The following CLSTN1 variants were observed in gnomAD, a reference collection of about 807,000 sequenced individuals.
CLSTN1 encodes calsyntenin 1.
Under a neutral mutation model 108.3 loss-of-function variants are expected in CLSTN1, and 28 were observed. The ratio of observed to expected loss-of-function variants is 0.26; its 90% CI spans 0.19 to 0.35. The LOEUF is 0.35. Ranked by LOEUF, CLSTN1 falls within the 10% of genes least tolerant of loss-of-function variation. CLSTN1 has a pLI of 1.00. For missense variants in CLSTN1, 1,157 were observed against 1,302.6 expected (o/e 0.89, Z 1.72); for synonymous variants, 524 against 534.9 (o/e 0.98, Z 0.28).
At chr1:9,781,629 G>T (rs553973939) in intron 1 of CLSTN1, among the ~76,000 whole-genome samples, 1 of 152,104 alleles carries the variant, frequency 6.6e-6, no homozygotes, top group Admixed American at 6.6e-5. Context: ...TTTTAGTAGA[G>T]ATGGGGTTTC....
chr1:9,779,558 G>A (rs1010984323), intron 1 of CLSTN1, among the ~76,000 whole-genome samples: 2 of 152,196 alleles, frequency 1.3e-5, no homozygotes, highest in Admixed American at 6.5e-5. Flanking sequence ...TCCAGCCTGG[G>A]CGACAAGAGT....
chr1:9,730,648 T>TTTCCTC lies in CLSTN1; in HGVS notation c.2800_2805dup (p.Glu934_Glu935dup), dbSNP rs551074326. The TTTCCTC allele has an allele frequency of 5.8e-5, 93 of 1,610,336 alleles. No homozygotes were observed. Among genetic ancestry groups the TTTCCTC allele is most frequent in the Admixed American group, 2.2e-4 (13 of 59,976 alleles). On this transcript the variant is annotated inframe_insertion, in exon 19 of 19. Coordinates refer to ENST00000377298, the MANE Select transcript of CLSTN1 (RefSeq NM_001009566.3). The surrounding 1 kb of genome is among the most constrained non-coding windows in gnomAD (Gnocchi z 5.6). ...TCATCCTCTTCTTCGCCGTCCTCGCTTTCCTCTTCCTCTTCCTCTTCCTCC... is the reference window on the plus strand; with the variant it reads ...TCATCCTCTTCTTCGCCGTCCTCGCTTTCCTCTTCCTCTTCCTCTTCCTCTTCCTCC...
intron 1 of CLSTN1, among the ~76,000 whole-genome samples, chr1:9,803,455 T>C (rs535317418): frequency 6.6e-6 from 1 of 152,284 alleles, no homozygotes; most frequent in South Asian, 2.1e-4. Flanking sequence ...GAAAAGATTT[T>C]TCATAAAAAT....
chr1:9,789,039 G>A (rs1378341073), intron 1 of CLSTN1, among the ~76,000 whole-genome samples: 1 of 151,394 alleles, frequency 6.6e-6, no homozygotes, highest in African/African-American at 2.4e-5. Context: ...ATGATGTTCC[G>A]TTAGAAGGAT....
intron 1 of CLSTN1, among the ~76,000 whole-genome samples, chr1:9,787,581 T>G (rs1653556754): frequency 6.6e-6 from 1 of 151,028 alleles, no homozygotes; most frequent in Non-Finnish European, 1.5e-5. Flanking sequence ...TTTTTTGTGT[T>G]TTTAGAGAGA....
intron 1 of CLSTN1, among the ~76,000 whole-genome samples, chr1:9,798,278 T>A (rs929676584): frequency 6.6e-6 from 1 of 152,154 alleles, no homozygotes; most frequent in African/African-American, 2.4e-5. Context: ...CAAATACTTA[T>A]GAATGAATCA....
At chr1:9,741,010 T>C (rs1438400608) in intron 10 of CLSTN1, 84 bp downstream of exon 10, 3 of 1,425,260 alleles carry the variant, frequency 2.1e-6, no homozygotes, top group Non-Finnish European at 1.9e-6. Flanking sequence ...GGCTGTAGGA[T>C]ACCGATCACA....
chr1:9,769,655 T>C (rs556861304), intron 2 of CLSTN1, among the ~76,000 whole-genome samples: 151 of 152,222 alleles, frequency 9.9e-4, no homozygotes, highest in African/African-American at 3.4e-3. Flanking sequence ...GGGTTCCTTT[T>C]TGGGGTGATG....
intron 1 of CLSTN1, among the ~76,000 whole-genome samples, chr1:9,809,710 G>A (rs1026762522): frequency 2.0e-5 from 3 of 152,006 alleles, no homozygotes; most frequent in Middle Eastern, 6.8e-3. Flanking sequence ...AGACCAACCT[G>A]GCCAACATGG....
chr1:9,805,112 T>G (rs1654451266), intron 1 of CLSTN1, among the ~76,000 whole-genome samples: 1 of 151,790 alleles, frequency 6.6e-6, no homozygotes, highest in Non-Finnish European at 1.5e-5. Context: ...AGAGCAAGAC[T>G]CCTCTCAAAA....
intron 2 of CLSTN1, among the ~76,000 whole-genome samples, chr1:9,758,566 C>A (rs11804356): frequency 0.21 from 31,648 of 150,890 alleles, 6,520 homozygotes; most frequent in African/African-American, 0.53. Context: ...CGCCCGCCTC[C>A]GCCTCCCAAA....
chr1:9,753,514 G>A (rs1218835266), intron 4 of CLSTN1, among the ~76,000 whole-genome samples: 7 of 150,476 alleles, frequency 4.7e-5, no homozygotes, highest in South Asian at 2.1e-4. Context: ...TTTTTGAGAC[G>A]GAGTTTCATT....
At chr1:9,737,612 C>T (rs1200697598) in intron 10 of CLSTN1, 58 bp from the exon 11 acceptor site, 11 of 1,513,844 alleles carry the variant, frequency 7.3e-6, no homozygotes, top group East Asian at 6.8e-5. Flanking sequence ...GGTCTTCAAA[C>T]CGGACCTTGA....
rs141469659 is a variant in CLSTN1, at chr1:9,822,607, T to G, written c.91+1036A>C. On this transcript the variant is annotated intron_variant, in intron 1 of 18. Coordinates refer to ENST00000377298, the MANE Select transcript of CLSTN1 (RefSeq NM_001009566.3). ...ATTCTACAGACTACACCTAGATTAC[T>G]CTGCTCTAAGGCCAAGGAAAATGTT... Among the ~76,000 whole-genome samples the G allele has an allele frequency of 3.2e-4, 49 of 152,308 alleles. 1 individual carries two copies. In the East Asian group the frequency reaches 9.1e-3, roughly 28 times the overall value.
Position 9,731,285 on chromosome 1 carries a change from A to T in CLSTN1, c.2669T>A (p.Met890Lys). The T allele has an allele frequency of 6.2e-7, 1 of 1,614,206 alleles. No homozygotes were observed. Among genetic ancestry groups the T allele is most frequent in the Non-Finnish European group, 8.5e-7 (1 of 1,180,046 alleles). ...FRIRAAHRRTMRDQDTGKENE... is the reference protein window; with the variant it reads ...FRIRAAHRRTKRDQDTGKENE... ...CTCCTTCCCGGTGTCCTGATCCCGC[A>T]TGGTCCGCCGATGTGCGGCCCGGAT... Residue 890 changes from methionine to lysine, a missense_variant, in exon 18 of 19, where the codon ATG (methionine) becomes AAG (lysine). Physicochemically the swap from Met to Lys is moderately conservative, Grantham distance 95. Transcript: ENST00000377298.
chr1:9,739,742 G>C (rs1650874530), intron 10 of CLSTN1, among the ~76,000 whole-genome samples: 1 of 151,618 alleles, frequency 6.6e-6, no homozygotes, highest in Non-Finnish European at 1.5e-5. Flanking sequence ...TGTGGGCCCA[G>C]AATACACAGG....
In CLSTN1 at chr1:9,730,411, G is replaced by T; in HGVS notation, c.*97C>A. 1 of 1,192,042 alleles carries T rather than the reference G, an allele frequency of 8.4e-7. No individual in the cohort carries two copies. Among genetic ancestry groups the T allele is most frequent in the Non-Finnish European group, 1.2e-6 (1 of 821,436 alleles). The allele number at this position is 1,192,042 out of a possible 1,614,324, so 73.8% of individuals were successfully genotyped here. On this transcript the variant is annotated 3_prime_UTR_variant, in exon 19 of 19. Transcript: ENST00000377298. This position sits in a 1 kb window ranked among gnomAD's most constrained non-coding sequence, Gnocchi z 5.6. ...CGGGGAGGGGTCTGCACACCTACTG[G>T]CCGAAATGACTTTGTACATCGTGGA...
At chr1:9,758,102 T>G (rs1651905875) in intron 2 of CLSTN1, among the ~76,000 whole-genome samples, 1 of 152,070 alleles carries the variant, frequency 6.6e-6, no homozygotes, top group African/African-American at 2.4e-5. Flanking sequence ...CAAGCGATTC[T>G]CCTGCCTCAG....
rs1296486962 is a variant in CLSTN1 at position 9,735,577 on chromosome 1, C to T, written c.1773G>A (p.Glu591=). 1.2e-6 allele frequency: 2 copies of T among 1,614,152 alleles called. No homozygotes were observed. Among genetic ancestry groups the T allele is most frequent in the African/African-American group, 2.7e-5 (2 of 75,028 alleles). The change falls in exon 13 of 19, where the codon GAG becomes GAA. Residue 591 remains glutamate, a synonymous_variant. Transcript: ENST00000377298. The part of the protein sequence containing the change: ...AHPSQLVLTL[E]GEDLGELDKA... Reference sequence around the variant, plus strand: ...TATCCAATTCCCCGAGGTCTTCTCCCTCCAAGGTCAATACCAACTGGCTGG... The same window carrying T: ...TATCCAATTCCCCGAGGTCTTCTCCTTCCAAGGTCAATACCAACTGGCTGG...
Sources: gnomAD v4.1 joint callset for allele counts (sites outside exome capture counted in the v4.1 genomes callset) on GRCh38, gnomAD v4.1.1 for gene constraint, Gnocchi (gnomAD v3.1) non-coding constraint, MANE v1.5 for transcripts, NCBI Gene and HGNC (gene_info 2026-07-23, HGNC 2026-07-21) for gene names.